DCLK3: variants seen among roughly 807,000 people sequenced by gnomAD.
The protein encoded by DCLK3 is doublecortin like kinase 3, also known as serine/threonine-protein kinase DCLK3.
A neutral mutation model predicts 46.4 loss-of-function variants in DCLK3; 30 were observed. That is an observed-to-expected ratio of 0.65 (90% CI 0.48 to 0.88). The LOEUF (loss-of-function observed/expected upper bound fraction) is 0.88, where lower values mean the gene tolerates loss of function less well. Among genes scored for constraint, DCLK3 ranks in the 40% least tolerant of loss-of-function variants. The pLI is 0.00. For missense variants in DCLK3, 846 were observed against 907.1 expected (o/e 0.93, Z 0.87); for synonymous variants, 401 against 339.2 (o/e 1.18, Z -2.00).
chr3:36,747,425 TG>T (rs1701402867), intron 1 of DCLK3, among the ~76,000 whole-genome samples: 1 of 151,290 alleles, frequency 6.6e-6, no homozygotes, highest in Admixed American at 6.6e-5. Flanking sequence ...TGAGCTTATA[TG>T]GGGGAAAAAA....
chr3:36,715,630 C>G, intron 4 of DCLK3, 109 bp from the exon 5 acceptor site: 10 of 1,222,976 alleles, frequency 8.2e-6, no homozygotes, highest in Non-Finnish European at 9.9e-6. Flanking sequence ...CCACGGCTGG[C>G]TGAAAGCCTC....
intron 4 of DCLK3, 46 bp downstream of exon 4, chr3:36,717,964 A>G (rs754948651): frequency 1.2e-6 from 2 of 1,611,342 alleles, no homozygotes. Context: ...TCTGACCTGA[A>G]AAACCCATCC....
Position 36,738,853 on chromosome 3 carries a change from T to C in DCLK3, c.314A>G (p.Gln105Arg). 1 of 619,064 alleles carries C rather than the reference T, an allele frequency of 1.6e-6. No homozygotes were observed. The highest frequency in any genetic ancestry group is 7.3e-5 in the South Asian group (1 of 13,780). 38.3% of individuals were successfully genotyped at this position (619,064 alleles called of 1,614,324 possible). A position where few individuals can be genotyped will look rare whatever the true frequency, so the allele number is the denominator to read the frequency against. Reference protein sequence around the residue: ...RVVTVVKLGGQRPRKITLLLN... With the variant: ...RVVTVVKLGGRRPRKITLLLN... ...GAGCAGAGTGATCTTTCGGGGGCGC[T>C]GCCCACCCAGCTTCACTACGGTCAC... The change falls in exon 2 of 5, where the codon CAG (glutamine) becomes CGG (arginine). Residue 105 changes from glutamine to arginine, a missense_variant. This residue lies in a region of DCLK3 where 553 missense variants were observed against 543.0 expected (regional missense o/e 1.02). Transcript: ENST00000636136.
intron 1 of DCLK3, among the ~76,000 whole-genome samples, chr3:36,750,345 G>C (rs1461112569): frequency 6.6e-6 from 1 of 152,148 alleles, no homozygotes; most frequent in African/African-American, 2.4e-5. Context: ...GCCTCCCAAA[G>C]CGCTGGGATT....
At chr3:36,728,390 A>G (rs2125525539) in intron 2 of DCLK3, among the ~76,000 whole-genome samples, 1 of 152,262 alleles carries the variant, frequency 6.6e-6, no homozygotes. Context: ...TCTGTTAGGT[A>G]TTTCCAGAGG....
intron 1 of DCLK3, among the ~76,000 whole-genome samples, chr3:36,751,063 T>TAAAAAAAAAAAAAAAAAAAAAAAAAA (rs5847933): frequency 1.3e-5 from 1 of 76,476 alleles, no homozygotes; most frequent in Non-Finnish European, 2.3e-5. Context: ...CGGGATGATC[T>TAAAAAAAAAAAAAAAAAAAAAAAAAA]AAAAAAAAAA....
chr3:36,730,694 T>C (rs978806807), intron 2 of DCLK3, among the ~76,000 whole-genome samples: 1 of 152,072 alleles, frequency 6.6e-6, no homozygotes, highest in Non-Finnish European at 1.5e-5. Context: ...GACTACCACA[T>C]TGGGCTATGC....
chr3:36,762,954 C>A (rs1482998449), intron 1 of DCLK3, among the ~76,000 whole-genome samples: 1 of 146,102 alleles, frequency 6.8e-6, no homozygotes, highest in Non-Finnish European at 1.5e-5. Flanking sequence ...TTTTTTTTTT[C>A]TTCCTGAGGG....
intron 3 of DCLK3, among the ~76,000 whole-genome samples, chr3:36,719,842 T>A (rs1342610232): frequency 6.6e-6 from 1 of 152,250 alleles, no homozygotes; most frequent in Non-Finnish European, 1.5e-5. Context: ...CCTGTTTTAG[T>A]TGGTGCTACC....
chr3:36,727,355 T>A (rs530526645), intron 2 of DCLK3, among the ~76,000 whole-genome samples: 1 of 152,212 alleles, frequency 6.6e-6, no homozygotes, highest in Non-Finnish European at 1.5e-5. Flanking sequence ...AAGAAGTGTG[T>A]TCCTATTGTG....
chr3:36,761,833 G>C (rs1701543102), intron 1 of DCLK3, among the ~76,000 whole-genome samples: 1 of 152,106 alleles, frequency 6.6e-6, no homozygotes, highest in African/African-American at 2.4e-5. Context: ...CCGCCTGCAG[G>C]CTGCAGGATT....
In DCLK3 at chr3:36,737,708, G is replaced by C; in HGVS notation, c.1459C>G (p.Pro487Ala). The part of the protein sequence containing the change: ...GRRMTLRDDQ[P>A]AKLEKEPKTR... Reference sequence around the variant, plus strand: ...TTGGGCTCCTTTTCTAGCTTTGCAGGTTGGTCATCTCTGAGAGTCATCCTT... The same window carrying C: ...TTGGGCTCCTTTTCTAGCTTTGCAGCTTGGTCATCTCTGAGAGTCATCCTT... Residue 487 changes from proline (P) to alanine (A), a missense_variant, in exon 2 of 5, where the codon CCT (proline) becomes GCT (alanine). Physicochemically the swap from Pro to Ala is conservative, Grantham distance 27 (BLOSUM62 -1). Coordinates refer to ENST00000636136, the MANE Select transcript of DCLK3 (RefSeq NM_001394672.2). This position sits in a 1 kb window ranked among gnomAD's most constrained non-coding sequence, Gnocchi z 4.4. 1.9e-6 allele frequency: 3 copies of C among 1,613,988 alleles called. No individual in the cohort carries two copies. The highest frequency in any genetic ancestry group is 2.5e-6 in the Non-Finnish European group (3 of 1,180,006).
chr3:36,740,499 T>A (rs888504094), intron 1 of DCLK3, among the ~76,000 whole-genome samples: 3 of 152,224 alleles, frequency 2.0e-5, no homozygotes, highest in Non-Finnish European at 2.9e-5. Flanking sequence ...AAAAACTTCC[T>A]TGTCCAGATG....
chr3:36,712,472 A>G lies in DCLK3; in HGVS notation c.*2856T>C, dbSNP rs1433928368. 1 of 152,214 alleles carries G rather than the reference A, an allele frequency of 6.6e-6. No homozygotes were observed. Among genetic ancestry groups the G allele is most frequent in the Non-Finnish European group, 1.5e-5 (1 of 68,036 alleles). 9.4% of individuals were successfully genotyped at this position (152,214 alleles called of 1,614,324 possible). On this transcript the variant is annotated 3_prime_UTR_variant, in exon 5 of 5. Transcript: ENST00000636136. The stretch of plus-strand genomic sequence containing the variant: ...ATAATTGACACACAATAAACTGCAC[A>G]TAACAAAAGTGTACAATTTGGTAAG...
At chr3:36,747,293 A>G (rs948820831) in intron 1 of DCLK3, among the ~76,000 whole-genome samples, 11 of 152,206 alleles carry the variant, frequency 7.2e-5, no homozygotes, top group Admixed American at 7.2e-4. Flanking sequence ...TTTCATATGC[A>G]TATAAGGGCC....
Position 36,743,346 on chromosome 3 carries a change from A to C in DCLK3, c.83-4262T>G, listed in dbSNP as rs1701366402. On this transcript the variant is annotated intron_variant, in intron 1 of 4. Transcript: ENST00000636136. Reference sequence around the variant, plus strand: ...AAATAAAATAAAATAATAAAAAACCACTTTTGGTCCCAAGCATTTTGGATA... The same window carrying C: ...AAATAAAATAAAATAATAAAAAACCCCTTTTGGTCCCAAGCATTTTGGATA... 1.3e-5 allele frequency among the ~76,000 whole-genome samples: 2 copies of C among 151,870 alleles called. 1 individual carries two copies. Among genetic ancestry groups the C allele is most frequent in the South Asian group, 4.2e-4 (2 of 4,802 alleles).
intron 2 of DCLK3, among the ~76,000 whole-genome samples, chr3:36,736,083 C>T (rs1031251341): frequency 6.6e-6 from 1 of 152,244 alleles, no homozygotes; most frequent in Non-Finnish European, 1.5e-5. Flanking sequence ...TGTACTCAAA[C>T]ACACTAAGTT....
intron 2 of DCLK3, among the ~76,000 whole-genome samples, chr3:36,727,040 T>C (rs1575137342): frequency 6.6e-6 from 1 of 152,100 alleles, no homozygotes; most frequent in Non-Finnish European, 1.5e-5. Context: ...CCCAGTACTT[T>C]GGGAGGCTTA....
chr3:36,721,991 T>C (rs952499867), intron 2 of DCLK3, among the ~76,000 whole-genome samples: 4 of 152,256 alleles, frequency 2.6e-5, no homozygotes, highest in Non-Finnish European at 5.9e-5. Flanking sequence ...AAGCCACTTG[T>C]GGCTTGTGGC....
Sources: gnomAD v4.1 joint callset for allele counts (sites outside exome capture counted in the v4.1 genomes callset) on GRCh38, gnomAD v4.1.1 for gene constraint, gnomAD v4.1.1 regional missense constraint, Gnocchi (gnomAD v3.1) non-coding constraint, MANE v1.5 for transcripts, NCBI Gene and HGNC (gene_info 2026-07-23, HGNC 2026-07-21) for gene names.